TRPV3: variants seen among roughly 807,000 people sequenced by gnomAD.
The protein encoded by TRPV3 is transient receptor potential cation channel subfamily V member 3.
TRPV3 carries 88 observed loss-of-function variants against 87.1 expected under a neutral mutation model. The observed-to-expected ratio is 1.01, with a 90% CI of 0.85 to 1.21. The LOEUF (loss-of-function observed/expected upper bound fraction) is 1.21. Ranked by LOEUF, TRPV3 falls within the 50% of genes most tolerant of loss-of-function variation. The pLI is 0.00. For synonymous variants in TRPV3, 438 were observed against 423.3 expected (o/e 1.03, Z -0.43); for missense variants, 1,054 against 1,030.1 (o/e 1.02, Z -0.32).
intron 14 of TRPV3, among the ~76,000 whole-genome samples, chr17:3,519,902 T>A (rs1190001834): frequency 4.0e-3 from 96 of 23,746 alleles, no homozygotes; most frequent in Admixed American, 7.8e-3. Context: ...GGATGGATGA[T>A]TAGATGGATG....
Position 3,528,599 on chromosome 17 carries a change from C to T in TRPV3, c.1401+238G>A, listed in dbSNP as rs554200472. 5.3e-5 allele frequency among the ~76,000 whole-genome samples: 8 copies of T among 152,178 alleles called. No individual in the cohort carries two copies. Among genetic ancestry groups the T allele is most frequent in the South Asian group, 2.1e-4 (1 of 4,832 alleles). ...AGACCCTGTGCAGGGCCTGAGTCTCCGAATTCTCCAACTTTCCTCCCAGCA... is the reference window on the plus strand; with the variant it reads ...AGACCCTGTGCAGGGCCTGAGTCTCTGAATTCTCCAACTTTCCTCCCAGCA... On this transcript the variant is annotated intron_variant, in intron 10 of 17. Coordinates refer to ENST00000576742, the MANE Select transcript of TRPV3 (RefSeq NM_145068.4). The surrounding 1 kb of genome is among the most constrained non-coding windows in gnomAD (Gnocchi z 4.2).
At chr17:3,547,347 G>T (rs1232778463) in intron 2 of TRPV3, among the ~76,000 whole-genome samples, 1 of 152,198 alleles carries the variant, frequency 6.6e-6, no homozygotes, top group Non-Finnish European at 1.5e-5. Context: ...TAGGCTGGGT[G>T]CAGTGGCCCA....
intron 12 of TRPV3, among the ~76,000 whole-genome samples, chr17:3,525,627 T>C (rs2074292799): frequency 6.6e-6 from 1 of 151,942 alleles, no homozygotes; most frequent in Non-Finnish European, 1.5e-5. Context: ...ATTAATTTTT[T>C]TTTTTTTTTT....
rs1253501026 is a variant in TRPV3, at chr17:3,510,597, A to G, written c.*3320T>C. Reference sequence around the variant, plus strand: ...TCTTTGTATGATTTCTTTCTTGAACATAGAGTTTCGCACACACATACACAC... The same window carrying G: ...TCTTTGTATGATTTCTTTCTTGAACGTAGAGTTTCGCACACACATACACAC... On this transcript the variant is annotated 3_prime_UTR_variant, in exon 18 of 18. Transcript: ENST00000576742. 4 of 152,280 alleles carry G rather than the reference A, an allele frequency of 2.6e-5. No homozygotes were observed. Among genetic ancestry groups the G allele is most frequent in the Non-Finnish European group, 5.9e-5 (4 of 68,050 alleles). The allele number at this position is 152,280 out of a possible 1,614,324, so 9.4% of individuals were successfully genotyped here. A position where few individuals can be genotyped will look rare whatever the true frequency, so the allele number is the denominator to read the frequency against.
chr17:3,550,963 A>T (rs1003722775), intron 2 of TRPV3, among the ~76,000 whole-genome samples: 1 of 152,206 alleles, frequency 6.6e-6, no homozygotes, highest in African/African-American at 2.4e-5. Context: ...GAGCTAAGAC[A>T]TCATCCCAAT....
At chr17:3,519,149 T>C (rs1217574805) in intron 14 of TRPV3, among the ~76,000 whole-genome samples, 3 of 152,240 alleles carry the variant, frequency 2.0e-5, no homozygotes, top group African/African-American at 4.8e-5. Context: ...TGTGTGTCCC[T>C]GGCTCCCCAG....
intron 2 of TRPV3, chr17:3,546,682 T>TA (rs1239037869): frequency 6.6e-6 from 3 of 455,478 alleles, no homozygotes; most frequent in African/African-American, 6.0e-5. Context: ...AAGTCCAGAT[T>TA]CAAAGCTGGG....
At chr17:3,531,189 G>A (rs2074346655) in intron 8 of TRPV3, among the ~76,000 whole-genome samples, 1 of 152,234 alleles carries the variant, frequency 6.6e-6, no homozygotes, top group Non-Finnish European at 1.5e-5. Flanking sequence ...CCAAAGTGCA[G>A]GCTGGACACA....
chr17:3,535,799 C>T, intron 6 of TRPV3, 86 bp from the exon 7 acceptor site: 2 of 1,356,534 alleles, frequency 1.5e-6, no homozygotes, highest in Non-Finnish European at 1.9e-6. Context: ...ATACCCTCCC[C>T]GAACCCACGG....
At chr17:3,532,992 C>CA in intron 7 of TRPV3, 55 bp from the exon 8 acceptor site, 1 of 1,593,306 alleles carries the variant, frequency 6.3e-7, no homozygotes, top group East Asian at 2.2e-5. Flanking sequence ...AGCAGCGTCC[C>CA]CCAAGCCCCA....
intron 8 of TRPV3, among the ~76,000 whole-genome samples, chr17:3,531,407 C>A (rs576490000): frequency 6.6e-6 from 1 of 152,136 alleles, no homozygotes; most frequent in African/African-American, 2.4e-5. Flanking sequence ...AGGGATAAGG[C>A]CAGGTCTCTC....
chr17:3,521,512 A>G (rs1325665028), intron 13 of TRPV3, among the ~76,000 whole-genome samples: 1 of 152,222 alleles, frequency 6.6e-6, no homozygotes, highest in Non-Finnish European at 1.5e-5. Flanking sequence ...CGTGTTGTGT[A>G]CTAGAAATTT....
rs1238560155 is a variant in TRPV3 at position 3,530,608 on chromosome 17, C to A, written c.1066-405G>T. Reference sequence around the variant, plus strand: ...AAGTGTTCTCAGCGTCCCCAGCCCACCCTAAGCCAAGACTCCTCCAGCTGT... The same window carrying A: ...AAGTGTTCTCAGCGTCCCCAGCCCAACCTAAGCCAAGACTCCTCCAGCTGT... On this transcript the variant is annotated intron_variant, in intron 8 of 17. Transcript: ENST00000576742. The surrounding 1 kb of genome is among the most constrained non-coding windows in gnomAD (Gnocchi z 4.0). Among the ~76,000 whole-genome samples, 1 of 152,194 alleles carries A rather than the reference C, an allele frequency of 6.6e-6. No homozygotes were observed. Among genetic ancestry groups the A allele is most frequent in the Non-Finnish European group, 1.5e-5 (1 of 68,026 alleles).
At chr17:3,520,827 G>A (rs2074238600) in intron 14 of TRPV3, 146 bp downstream of exon 14, 2 of 445,698 alleles carry the variant, frequency 4.5e-6, no homozygotes, top group Non-Finnish European at 8.3e-6. Flanking sequence ...ATATATAAAG[G>A]TAATGCTTGG....
intron 6 of TRPV3, among the ~76,000 whole-genome samples, chr17:3,538,819 A>G (rs1473370784): frequency 6.6e-6 from 1 of 152,218 alleles, no homozygotes; most frequent in African/African-American, 2.4e-5. Context: ...TCCTGACCTC[A>G]AGTGATCCAC....
chr17:3,513,353 G>C lies in TRPV3; in HGVS notation c.*564C>G, dbSNP rs1255410066. On this transcript the variant is annotated 3_prime_UTR_variant, in exon 18 of 18. Coordinates refer to ENST00000576742, the MANE Select transcript of TRPV3 (RefSeq NM_145068.4). ...AAGGATGGTCTCCTTTTCCCCGAAG[G>C]GTTCCGGAAGGGTGTTTCCAGAGCG... 2 of 152,872 alleles carry C rather than the reference G, an allele frequency of 1.3e-5. No homozygotes were observed. 9.5% of individuals were successfully genotyped at this position (152,872 alleles called of 1,614,324 possible). A position where few individuals can be genotyped will look rare whatever the true frequency, so the allele number is the denominator to read the frequency against.
At position 3,518,785 on chromosome 17, in the gene TRPV3, TGAAGCTGCCGTA is replaced by T. The variant is rs1168196489; in HGVS notation, c.1864_1875del (p.Tyr622_Phe625del). 1.2e-6 allele frequency: 2 copies of T among 1,614,042 alleles called. No individual in the cohort carries two copies. Among genetic ancestry groups the T allele is most frequent in the Non-Finnish European group, 1.7e-6 (2 of 1,180,020 alleles). ...TTGAAGAGTTCCAGCACTGCGTCGC[TGAAGCTGCCGTA>T]GGAGCTGCAGTCCTTGTTGTCTTTG... On this transcript the variant is annotated inframe_deletion, in exon 15 of 18. Coordinates refer to ENST00000576742, the MANE Select transcript of TRPV3 (RefSeq NM_145068.4). This position sits in a 1 kb window ranked among gnomAD's most constrained non-coding sequence, Gnocchi z 4.3.
In TRPV3 at chr17:3,528,766, T is replaced by A; in HGVS notation, c.1401+71A>T. The A allele has an allele frequency of 6.3e-7, 1 of 1,582,448 alleles. No individual in the cohort carries two copies. Among genetic ancestry groups the A allele is most frequent in the Non-Finnish European group, 8.6e-7 (1 of 1,161,300 alleles). On this transcript the variant is annotated intron_variant, in intron 10 of 17. Coordinates refer to ENST00000576742, the MANE Select transcript of TRPV3 (RefSeq NM_145068.4). The surrounding 1 kb of genome is among the most constrained non-coding windows in gnomAD (Gnocchi z 4.2). ...CTCTCTGGGCCTCAGTTTTCCCACCTGCACGTGGGGCAGCTCCAAGCCCCT... is the reference window on the plus strand; with the variant it reads ...CTCTCTGGGCCTCAGTTTTCCCACCAGCACGTGGGGCAGCTCCAAGCCCCT...
At position 3,528,717 on chromosome 17, in the gene TRPV3, G is replaced by C; in HGVS notation, c.1401+120C>G. 1 of 1,219,320 alleles carries C rather than the reference G, an allele frequency of 8.2e-7. No individual in the cohort carries two copies. The highest frequency in any genetic ancestry group is 1.5e-5 in the South Asian group (1 of 67,192). 75.5% of individuals were successfully genotyped at this position (1,219,320 alleles called of 1,614,324 possible). On this transcript the variant is annotated intron_variant, in intron 10 of 17. Coordinates refer to ENST00000576742, the MANE Select transcript of TRPV3 (RefSeq NM_145068.4). The surrounding 1 kb of genome is among the most constrained non-coding windows in gnomAD (Gnocchi z 4.2). ...CCCTGGGAAGCGTGAAGGACAACTG[G>C]GGGACCCCGCCCAATCTCCTGGTCT...
Sources: allele counts gnomAD v4.1 joint callset (sites outside exome capture counted in the v4.1 genomes callset), GRCh38; gene constraint gnomAD v4.1.1; non-coding constraint Gnocchi (gnomAD v3.1); transcripts MANE v1.5; gene names NCBI Gene and HGNC (gene_info 2026-07-23, HGNC 2026-07-21).